The following SAFB2 variants were observed in gnomAD, a reference collection of about 807,000 sequenced individuals.
SAFB2 encodes scaffold attachment factor B2.
Under a neutral mutation model 100.6 loss-of-function variants are expected in SAFB2, and 32 were observed. The observed-to-expected ratio is 0.32, with a 90% CI of 0.24 to 0.43. The LOEUF (loss-of-function observed/expected upper bound fraction) is 0.43. Ranked by LOEUF, SAFB2 falls within the 20% of genes least tolerant of loss-of-function variation. The probability of loss-of-function intolerance (pLI) is 1.00; values close to 1 mark genes in which losing one functional copy is unlikely to be tolerated. For missense variants in SAFB2, 1,185 were observed against 1,163.4 expected, an observed-to-expected ratio of 1.02 and a Z score of -0.27; for synonymous variants, 500 against 439.4, an observed-to-expected ratio of 1.14 and a Z score of -1.72.
intron 18 of SAFB2, among the ~76,000 whole-genome samples, chr19:5,589,437 G>A (rs1202271247): frequency 6.6e-6 from 1 of 151,990 alleles, no homozygotes; most frequent in Non-Finnish European, 1.5e-5. Flanking sequence ...AGGGAGGGAT[G>A]GAACGGGGGA....
At chr19:5,616,529 T>C (rs757173847) in intron 2 of SAFB2, 43 bp from the exon 3 acceptor site, 1 of 1,504,272 alleles carries the variant, frequency 6.6e-7, no homozygotes, top group Admixed American at 1.7e-5. Context: ...ACTCAAGTTC[T>C]ACCTCATAAT....
rs371849776 is a variant in SAFB2, at chr19:5,595,378, G to T, written c.1902C>A (p.Arg634=). ...CCACTCACCGCCGCCTCTCCGTTTC[G>T]CGGATCTCCCGTTCCCGCTGCCTCT... ...ERQRQREREI[R]ETERRREREQ... The change falls in exon 14 of 21, where the codon CGC becomes CGA. Residue 634 remains arginine, a synonymous_variant. Transcript: ENST00000252542. The T allele has an allele frequency of 2.0e-5, 33 of 1,611,314 alleles. No homozygotes were observed. The highest frequency in any genetic ancestry group is 3.3e-5 in the Admixed American group (2 of 59,988).
chr19:5,611,678 A>G, intron 6 of SAFB2, 48 bp from the exon 7 acceptor site: 1 of 377,778 alleles, frequency 2.6e-6, no homozygotes, highest in Non-Finnish European at 5.3e-6. Flanking sequence ...ATTACCAGGG[A>G]AATAAAGCAA....
intron 17 of SAFB2, 76 bp downstream of exon 17, chr19:5,591,672 G>A (rs1301063979): frequency 7.5e-6 from 11 of 1,468,126 alleles, no homozygotes; most frequent in Middle Eastern, 1.7e-4. Flanking sequence ...TCAAGCGGCC[G>A]CCTGGCTAGA....
intron 15 of SAFB2, 122 bp downstream of exon 15, chr19:5,593,766 ATGC>A: frequency 9.3e-7 from 1 of 1,071,906 alleles, no homozygotes; most frequent in African/African-American, 1.7e-5. Context: ...CCCAAGGCGC[ATGC>A]TCCATATCAA....
In SAFB2 at chr19:5,613,548, T is replaced by G. The variant is rs746432651; in HGVS notation, c.544-21A>C. 10 of 1,611,856 alleles carry G rather than the reference T, an allele frequency of 6.2e-6. No individual in the cohort carries two copies. The Admixed American group carries it at 1.5e-4, about 24-fold the overall frequency. ...TCCACCTGAAAAACAAAATGGAAGATGACTTCGTGGAGGCTGGAGCTATGA... is the reference window on the plus strand; with the variant it reads ...TCCACCTGAAAAACAAAATGGAAGAGGACTTCGTGGAGGCTGGAGCTATGA... On this transcript the variant is annotated intron_variant, in intron 4 of 20. Coordinates refer to ENST00000252542, the MANE Select transcript of SAFB2 (RefSeq NM_014649.3).
chr19:5,621,526 C>A, intron 1 of SAFB2, 130 bp from the exon 2 acceptor site: 9 of 706,580 alleles, frequency 1.3e-5, no homozygotes, highest in South Asian at 1.1e-4. Context: ...GGTCAGCTAT[C>A]TGGGCCGCAA....
chr19:5,600,214 T>G lies in SAFB2; in HGVS notation c.1606A>C (p.Lys536Gln). Residue 536 changes from lysine to glutamine, a missense_variant, in exon 12 of 21, where the codon AAG becomes CAG. Coordinates refer to ENST00000252542, the MANE Select transcript of SAFB2 (RefSeq NM_014649.3). ...EEKIEKKEEK[K>Q]PEDIKKEEKD... Reference sequence around the variant, plus strand: ...TCTTCCTTCTTAATGTCTTCAGGCTTTTTTTCCTCCTTCTTCTCAATCTTC... The same window carrying G: ...TCTTCCTTCTTAATGTCTTCAGGCTGTTTTTCCTCCTTCTTCTCAATCTTC... 1 of 1,613,804 alleles carries G rather than the reference T, an allele frequency of 6.2e-7. No individual in the cohort carries two copies. The highest frequency in any genetic ancestry group is 1.1e-5 in the South Asian group (1 of 91,056).
chr19:5,615,854 T>A (rs541706494), intron 4 of SAFB2, among the ~76,000 whole-genome samples: 11 of 152,254 alleles, frequency 7.2e-5, no homozygotes, highest in Non-Finnish European at 1.6e-4. Flanking sequence ...TGAGACCTCA[T>A]CTCAGAAAAG....
intron 16 of SAFB2, among the ~76,000 whole-genome samples, chr19:5,592,051 G>A (rs921926332): frequency 6.6e-6 from 1 of 152,112 alleles, no homozygotes; most frequent in African/African-American, 2.4e-5. Flanking sequence ...AGGGGAACAG[G>A]GACAAACAGA....
At chr19:5,615,660 C>T (rs890639837) in intron 4 of SAFB2, among the ~76,000 whole-genome samples, 5 of 152,144 alleles carry the variant, frequency 3.3e-5, no homozygotes, top group Non-Finnish European at 7.3e-5. Flanking sequence ...TATGATGACC[C>T]CACTGCACTC....
intron 2 of SAFB2, among the ~76,000 whole-genome samples, chr19:5,618,838 A>G (rs16993063): frequency 0.039 from 5,870 of 152,350 alleles, 411 homozygotes; most frequent in African/African-American, 0.13. Context: ...TGCTGGGGAC[A>G]CAGATGTAAG....
At chr19:5,622,176 C>A (rs573560797) in intron 1 of SAFB2, among the ~76,000 whole-genome samples, 1 of 152,320 alleles carries the variant, frequency 6.6e-6, no homozygotes, top group South Asian at 2.1e-4. Context: ...CACCCATTCT[C>A]CGGAGGAGGA....
At chr19:5,600,521 G>C (rs956448501) in intron 11 of SAFB2, among the ~76,000 whole-genome samples, 1 of 152,214 alleles carries the variant, frequency 6.6e-6, no homozygotes, top group Admixed American at 6.5e-5. Context: ...CAAAATGTCA[G>C]ACAGGCTAGC....
intron 9 of SAFB2, among the ~76,000 whole-genome samples, chr19:5,608,581 C>T (rs552088442): frequency 2.8e-4 from 43 of 152,316 alleles, no homozygotes; most frequent in Non-Finnish European, 4.6e-4. Flanking sequence ...AACACCTGAT[C>T]GGGTGACACA....
intron 2 of SAFB2, among the ~76,000 whole-genome samples, chr19:5,618,105 C>T (rs2053070093): frequency 6.6e-6 from 1 of 152,196 alleles, no homozygotes; most frequent in Non-Finnish European, 1.5e-5. Context: ...CCACTGCCCT[C>T]CGCTCTGGGC....
At chr19:5,604,330 G>A (rs906942776) in intron 11 of SAFB2, among the ~76,000 whole-genome samples, 10 of 152,170 alleles carry the variant, frequency 6.6e-5, no homozygotes, top group Admixed American at 1.3e-4. Flanking sequence ...ACTTGAACCC[G>A]GAAGGTGGAG....
At chr19:5,593,801 G>A (rs934169836) in intron 15 of SAFB2, 90 bp downstream of exon 15, 4 of 1,292,222 alleles carry the variant, frequency 3.1e-6, no homozygotes, top group African/African-American at 1.6e-5. Flanking sequence ...CCCACCGACA[G>A]GGACGGAAGG....
intron 4 of SAFB2, 78 bp from the exon 5 acceptor site, chr19:5,613,605 T>C (rs2052957960): frequency 4.5e-6 from 7 of 1,566,984 alleles, no homozygotes; most frequent in Admixed American, 3.6e-5. Flanking sequence ...TTAGGCAACT[T>C]GTGTGTCTAT....
Sources: allele counts gnomAD v4.1 joint callset (sites outside exome capture counted in the v4.1 genomes callset), GRCh38; gene constraint gnomAD v4.1.1; transcripts MANE v1.5; gene names NCBI Gene and HGNC (gene_info 2026-07-23, HGNC 2026-07-21).